The following NBEA variants were observed in gnomAD, a reference collection of about 807,000 sequenced individuals.
NBEA encodes the protein lysosomal-trafficking regulator 2.
In NBEA, 44 loss-of-function variants were observed where a neutral mutation model predicts 343.4. The observed-to-expected ratio is 0.13, with a 90% CI of 0.10 to 0.16. NBEA has a LOEUF of 0.16. Ranked by LOEUF, NBEA falls within the 10% of genes least tolerant of loss-of-function variation. NBEA has a pLI of 1.00. For missense variants in NBEA, 2,555 were observed against 3,631.3 expected (o/e 0.70, Z 7.62); for synonymous variants, 1,175 against 1,238.7 (o/e 0.95, Z 1.08).
At chr13:35,244,271 A>T (rs1385126042) in intron 34 of NBEA, among the ~76,000 whole-genome samples, 3 of 151,848 alleles carry the variant, frequency 2.0e-5, no homozygotes, top group Non-Finnish European at 4.4e-5. Context: ...CTCACCTTAT[A>T]AAAAAATCAA....
intron 24 of NBEA, chr13:35,165,068 A>G (rs750156841): frequency 5.6e-6 from 3 of 533,964 alleles, no homozygotes; most frequent in East Asian, 1.1e-4. Flanking sequence ...GAAAGAATAT[A>G]GAATTTTGCT....
chr13:35,423,100 T>C (rs9544301), intron 38 of NBEA, among the ~76,000 whole-genome samples: 31,973 of 151,958 alleles, frequency 0.21, 3,548 homozygotes, highest in East Asian at 0.32. Flanking sequence ...CTGTAGGTTG[T>C]CTGTTCACTC....
At chr13:35,102,437 A>C (rs1226495199) in intron 11 of NBEA, among the ~76,000 whole-genome samples, 1 of 151,786 alleles carries the variant, frequency 6.6e-6, no homozygotes. Flanking sequence ...CAGCTTATCA[A>C]CTTCCACCAA....
chr13:35,485,529 C>A (rs1415603079), intron 41 of NBEA, among the ~76,000 whole-genome samples: 1 of 152,054 alleles, frequency 6.6e-6, no homozygotes, highest in South Asian at 2.1e-4. Flanking sequence ...TTAGTTACAT[C>A]GCAAAGCTTT....
At chr13:35,123,255 T>G (rs1320451181) in intron 16 of NBEA, among the ~76,000 whole-genome samples, 1 of 152,194 alleles carries the variant, frequency 6.6e-6, no homozygotes, top group Non-Finnish European at 1.5e-5. Context: ...GAGGCAGTAC[T>G]TATGAACACC....
At chr13:35,629,135 C>T (rs974928986) in intron 49 of NBEA, among the ~76,000 whole-genome samples, 2 of 152,106 alleles carry the variant, frequency 1.3e-5, no homozygotes, top group Non-Finnish European at 2.9e-5. Context: ...ATCATTTCTA[C>T]ATTGCACAAA....
chr13:35,440,716 A>T (rs2045694751), intron 39 of NBEA, among the ~76,000 whole-genome samples: 1 of 152,194 alleles, frequency 6.6e-6, no homozygotes, highest in Admixed American at 6.5e-5. Context: ...AACAATTTTT[A>T]TTTGGAAAAT....
intron 34 of NBEA, among the ~76,000 whole-genome samples, chr13:35,283,042 A>G (rs1203048333): frequency 6.6e-6 from 1 of 152,160 alleles, no homozygotes; most frequent in Non-Finnish European, 1.5e-5. Context: ...ATGCCATTAG[A>G]GTATTCTCTT....
intron 55 of NBEA, among the ~76,000 whole-genome samples, chr13:35,662,154 A>T (rs2085123447): frequency 6.6e-6 from 1 of 152,230 alleles, no homozygotes; most frequent in African/African-American, 2.4e-5. Flanking sequence ...AGAATATTGA[A>T]ATGACCTTTG....
At chr13:35,219,907 A>G (rs2074269898) in intron 33 of NBEA, among the ~76,000 whole-genome samples, 2 of 152,106 alleles carry the variant, frequency 1.3e-5, no homozygotes, top group South Asian at 2.1e-4. Context: ...TACCTATTCA[A>G]ATGTTAATCT....
rs1008449643 is a variant in NBEA at position 35,275,049 on chromosome 13, G to A, written c.5777-15340G>A. ...ACCAAAAAAGATCCTGCATAGCCAAGACAATCCTAAGCAAAAAGGACAAAG... is the reference window on the plus strand; with the variant it reads ...ACCAAAAAAGATCCTGCATAGCCAAAACAATCCTAAGCAAAAAGGACAAAG... On this transcript the variant is annotated intron_variant, in intron 34 of 58. Transcript: ENST00000379939. Among the ~76,000 whole-genome samples, 91 of 152,244 alleles carry A rather than the reference G, an allele frequency of 6.0e-4. 1 individual carries two copies. Among genetic ancestry groups the A allele is most frequent in the African/African-American group, 2.1e-3 (89 of 41,554 alleles).
At chr13:35,646,016 A>G in intron 50 of NBEA, 85 bp downstream of exon 50, 1 of 901,848 alleles carries the variant, frequency 1.1e-6, no homozygotes, top group Non-Finnish European at 1.7e-6. Context: ...TCCACATTTA[A>G]CCCCAGCTTC....
intron 38 of NBEA, among the ~76,000 whole-genome samples, chr13:35,418,559 TGC>T (rs1193817845): frequency 6.6e-6 from 1 of 151,912 alleles, no homozygotes. Context: ...ACAAAATAGA[TGC>T]TCAGTAAATA....
intron 46 of NBEA, among the ~76,000 whole-genome samples, chr13:35,587,904 A>G (rs569962864): frequency 6.6e-6 from 1 of 152,362 alleles, no homozygotes; most frequent in East Asian, 1.9e-4. Flanking sequence ...CAACAGAAAT[A>G]TAATGTAAAC....
chr13:34,945,330 A>G (rs1011106104), intron 1 of NBEA, among the ~76,000 whole-genome samples: 2 of 152,128 alleles, frequency 1.3e-5, no homozygotes, highest in African/African-American at 4.8e-5. Context: ...TAAATTAGTC[A>G]TTTGAAGTGT....
intron 38 of NBEA, among the ~76,000 whole-genome samples, chr13:35,382,029 A>C (rs2042038078): frequency 6.6e-6 from 1 of 152,190 alleles, no homozygotes; most frequent in South Asian, 2.1e-4. Context: ...CATTCATGTC[A>C]TATGATACTA....
At chr13:35,474,425 T>A (rs2075777271) in intron 41 of NBEA, 1 of 152,654 alleles carries the variant, frequency 6.6e-6, no homozygotes, top group Non-Finnish European at 1.5e-5. Context: ...ACAAGCAATA[T>A]TTGAAACAAA....
chr13:35,293,913 A>C (rs2035952270), intron 35 of NBEA, among the ~76,000 whole-genome samples: 1 of 152,080 alleles, frequency 6.6e-6, no homozygotes, highest in Admixed American at 6.6e-5. Flanking sequence ...TTATAAATTG[A>C]GAAACTGTAC....
intron 35 of NBEA, among the ~76,000 whole-genome samples, chr13:35,302,277 GTC>G (rs2036605938): frequency 6.6e-6 from 1 of 152,098 alleles, no homozygotes; most frequent in Non-Finnish European, 1.5e-5. Flanking sequence ...TACTGCCTGT[GTC>G]TTATGTATCT....
Sources: allele counts gnomAD v4.1 joint callset (sites outside exome capture counted in the v4.1 genomes callset), GRCh38; gene constraint gnomAD v4.1.1; transcripts MANE v1.5; gene names NCBI Gene and HGNC (gene_info 2026-07-23, HGNC 2026-07-21).